The following TLK1 variants were observed in gnomAD, a reference collection of about 807,000 sequenced individuals.
The protein encoded by TLK1 is tousled like kinase 1.
Under a neutral mutation model 105.3 loss-of-function variants are expected in TLK1, and 24 were observed. The ratio of observed to expected loss-of-function variants is 0.23; its 90% confidence interval spans 0.17 to 0.32. TLK1 has a LOEUF of 0.32. TLK1 is among the 10% of genes least tolerant of loss of function. The pLI, the probability that TLK1 is intolerant of heterozygous loss-of-function variation, is 1.00. For synonymous variants in TLK1, 321 were observed against 310.4 expected, an observed-to-expected ratio of 1.03 and a Z score of -0.36; for missense variants, 558 against 910.5, an observed-to-expected ratio of 0.61 and a Z score of 4.98.
intron 2 of TLK1, among the ~76,000 whole-genome samples, chr2:171,106,101 G>A (rs1383113121): frequency 6.6e-6 from 1 of 152,204 alleles, no homozygotes; most frequent in Non-Finnish European, 1.5e-5. Flanking sequence ...GCCAGGCACA[G>A]AAAGATAAAT....
chr2:171,145,876 A>T (rs1691772829), intron 1 of TLK1, among the ~76,000 whole-genome samples: 1 of 152,120 alleles, frequency 6.6e-6, no homozygotes, highest in Middle Eastern at 3.2e-3. Flanking sequence ...GGCATAACTA[A>T]ATCAGAATAA....
intron 12 of TLK1, among the ~76,000 whole-genome samples, chr2:171,028,122 C>T (rs535763434): frequency 2.4e-4 from 36 of 151,948 alleles, no homozygotes; most frequent in Middle Eastern, 3.4e-3. Context: ...TAGATTGTGC[C>T]GCTGCACTCC....
intron 3 of TLK1, 74 bp downstream of exon 3, chr2:171,082,703 GAAGA>G (rs928851072): frequency 2.6e-6 from 3 of 1,163,258 alleles, no homozygotes; most frequent in East Asian, 2.4e-5. Context: ...AAGAACTGAT[GAAGA>G]AACAAAATAC....
At chr2:171,063,549 GCAAA>G (rs920422943) in intron 3 of TLK1, among the ~76,000 whole-genome samples, 1 of 151,956 alleles carries the variant, frequency 6.6e-6, no homozygotes, top group Non-Finnish European at 1.5e-5. Flanking sequence ...TCTTGAACAG[GCAAA>G]AATAGGGGGG....
intron 1 of TLK1, among the ~76,000 whole-genome samples, chr2:171,182,158 G>C (rs1032935142): frequency 6.6e-6 from 1 of 152,144 alleles, no homozygotes; most frequent in African/African-American, 2.4e-5. Flanking sequence ...AAATGTAGAT[G>C]GAATTAGAAA....
chr2:171,000,165 C>T (rs1431756544), intron 18 of TLK1, among the ~76,000 whole-genome samples: 1 of 151,918 alleles, frequency 6.6e-6, no homozygotes, highest in Admixed American at 6.6e-5. Flanking sequence ...AACAGGAGGT[C>T]GGCAGTTTGA....
At chr2:171,135,303 T>C (rs796912124) in intron 1 of TLK1, among the ~76,000 whole-genome samples, 1 of 106,070 alleles carries the variant, frequency 9.4e-6, no homozygotes, top group African/African-American at 4.8e-5. Context: ...ATGTGTGTGT[T>C]TGTGTGTGTG....
chr2:171,179,461 G>A (rs1692889267), intron 1 of TLK1, among the ~76,000 whole-genome samples: 4 of 152,168 alleles, frequency 2.6e-5, no homozygotes, highest in Admixed American at 2.6e-4. Context: ...AGCTTTCAGA[G>A]GTTTTGAAAC....
intron 1 of TLK1, among the ~76,000 whole-genome samples, chr2:171,140,837 ATTAAG>A (rs1057070670): frequency 2.6e-5 from 4 of 152,244 alleles, no homozygotes; most frequent in Non-Finnish European, 5.9e-5. Flanking sequence ...TATCTAGATA[ATTAAG>A]TTATCAGACA....
At chr2:171,215,495 T>C (rs185398375) in intron 1 of TLK1, among the ~76,000 whole-genome samples, 1 of 152,286 alleles carries the variant, frequency 6.6e-6, no homozygotes, top group East Asian at 1.9e-4. Context: ...AAATCTGCTT[T>C]AAGAATGTCC....
intron 3 of TLK1, among the ~76,000 whole-genome samples, chr2:171,065,067 G>A (rs926488755): frequency 6.6e-6 from 1 of 151,984 alleles, no homozygotes; most frequent in Non-Finnish European, 1.5e-5. Context: ...ATGTAAATAA[G>A]ACCAAACATA....
chr2:171,033,517 A>G (rs1686153632), intron 11 of TLK1, among the ~76,000 whole-genome samples: 1 of 151,822 alleles, frequency 6.6e-6, no homozygotes. Context: ...CAAGAGGATG[A>G]CAACAGTCAA....
chr2:171,204,197 C>T (rs1693457446), intron 1 of TLK1, among the ~76,000 whole-genome samples: 1 of 152,110 alleles, frequency 6.6e-6, no homozygotes, highest in South Asian at 2.1e-4. Flanking sequence ...AATATTTCTC[C>T]ATTACACATG....
At chr2:171,138,594 G>A (rs1395057352) in intron 1 of TLK1, among the ~76,000 whole-genome samples, 1 of 152,144 alleles carries the variant, frequency 6.6e-6, no homozygotes, top group Admixed American at 6.5e-5. Context: ...AAATACTATA[G>A]TAAGCCTTGG....
At chr2:171,108,004 C>T (rs1446703068) in intron 2 of TLK1, among the ~76,000 whole-genome samples, 1 of 151,484 alleles carries the variant, frequency 6.6e-6, no homozygotes, top group Non-Finnish European at 1.5e-5. Context: ...CTGCAGTGAG[C>T]CGAGATTGCG....
At chr2:171,169,121 T>C (rs1000500229) in intron 1 of TLK1, among the ~76,000 whole-genome samples, 1 of 152,188 alleles carries the variant, frequency 6.6e-6, no homozygotes, top group African/African-American at 2.4e-5. Context: ...AATTTCATTC[T>C]GGGAATCTAT....
chr2:171,117,764 G>A lies in TLK1; in HGVS notation c.233C>T (p.Thr78Met), dbSNP rs1206395839. The A allele has an allele frequency of 6.8e-6, 11 of 1,613,418 alleles. No individual in the cohort carries two copies. Among genetic ancestry groups the A allele is most frequent in the Admixed American group, 1.7e-5 (1 of 59,904 alleles). The change falls in exon 2 of 21, where the codon ACG (threonine) becomes ATG (methionine). Residue 78 changes from threonine to methionine, a missense_variant. By Grantham distance (81) the Thr-to-Met change is moderately conservative. Transcript: ENST00000431350. ...TGVASGSTGS[T>M]GSCSVGAKAS... is the part of the protein sequence containing the mutation. ...TTTAGCTCCAACACTGCAACTGCCC[G>A]TACTTCCAGTGCTCCCACTTGCAAC...
intron 1 of TLK1, among the ~76,000 whole-genome samples, chr2:171,198,441 T>C (rs903510985): frequency 6.6e-6 from 1 of 152,008 alleles, no homozygotes; most frequent in Non-Finnish European, 1.5e-5. Flanking sequence ...TATGGATGAG[T>C]AGAATAATTT....
Position 171,112,045 on chromosome 2 carries a change from G to A in TLK1, c.258+5694C>T, listed in dbSNP as rs189648732. ...TGGCGCACTGCAACCTCCGCCTGCC[G>A]AGTTCAAGCAATTCTCCTGCCTCAG... On this transcript the variant is annotated intron_variant, in intron 2 of 20. Coordinates refer to ENST00000431350, the MANE Select transcript of TLK1 (RefSeq NM_012290.5). Among the ~76,000 whole-genome samples the A allele has an allele frequency of 2.4e-3, 362 of 152,254 alleles. 4 individuals are homozygous for A. Among genetic ancestry groups the A allele is most frequent in the African/African-American group, 8.4e-3 (350 of 41,542 alleles).
Sources: allele counts gnomAD v4.1 joint callset (sites outside exome capture counted in the v4.1 genomes callset), GRCh38; gene constraint gnomAD v4.1.1; transcripts MANE v1.5; gene names NCBI Gene and HGNC (gene_info 2026-07-23, HGNC 2026-07-21).